The following FHOD3 variants were observed in gnomAD, a reference collection of about 807,000 sequenced individuals.
The protein encoded by FHOD3 is formin homology 2 domain containing 3.
In FHOD3, 90 loss-of-function variants were observed where a neutral mutation model predicts 173.0. That is an observed-to-expected ratio of 0.52 (90% confidence interval 0.44 to 0.62). The LOEUF is 0.62. FHOD3 is among the 20% of genes least tolerant of loss of function. The pLI is 0.00. For synonymous variants in FHOD3, 828 were observed against 823.0 expected (o/e 1.01, Z -0.10); for missense variants, 1,945 against 2,034.7 (o/e 0.96, Z 0.85).
intron 14 of FHOD3, among the ~76,000 whole-genome samples, chr18:36,669,735 A>G (rs992597546): frequency 6.6e-6 from 1 of 151,916 alleles, no homozygotes; most frequent in African/African-American, 2.4e-5. Context: ...AAATGTTGTA[A>G]ACTCCACAAT....
intron 9 of FHOD3, among the ~76,000 whole-genome samples, chr18:36,618,945 G>T (rs2148710115): frequency 6.6e-6 from 1 of 152,128 alleles, no homozygotes; most frequent in East Asian, 1.9e-4. Context: ...CCTTTCAGTG[G>T]TGTCCTTATC....
chr18:36,605,859 A>T (rs1326566297), intron 8 of FHOD3, among the ~76,000 whole-genome samples: 1 of 152,212 alleles, frequency 6.6e-6, no homozygotes, highest in East Asian at 1.9e-4. Context: ...GTTTCTAAGT[A>T]TTGATATCAA....
intron 8 of FHOD3, among the ~76,000 whole-genome samples, chr18:36,606,185 A>G (rs2032049680): frequency 6.6e-6 from 1 of 152,182 alleles, no homozygotes; most frequent in East Asian, 1.9e-4. Flanking sequence ...TTATTGTTTT[A>G]AAATTATTGT....
intron 1 of FHOD3, among the ~76,000 whole-genome samples, chr18:36,300,502 G>A (rs905566167): frequency 1.3e-5 from 2 of 152,174 alleles, no homozygotes; most frequent in African/African-American, 4.8e-5. Flanking sequence ...TGAGGGGTCT[G>A]TTGACCTGGG....
Position 36,594,762 on chromosome 18 carries a change from G to A in FHOD3, c.607-25G>A, listed in dbSNP as rs114251216. On this transcript the variant is annotated intron_variant, in intron 6 of 28. Transcript: ENST00000590592. ...TGCACAGGGCCTTGTTGGCAGTGAT[G>A]TGATGGTTTTATCTCTTCTGCCAGT... is the stretch of plus-strand genomic sequence containing the variant. The A allele has an allele frequency of 1.6e-3, 2,465 of 1,572,078 alleles. 36 individuals carry two copies. In the African/African-American group the frequency reaches 0.029, roughly 19 times the overall value.
At chr18:36,759,080 G>A (rs1482677961) in intron 25 of FHOD3, 38 bp from the exon 26 acceptor site, 18 of 1,534,912 alleles carry the variant, frequency 1.2e-5, no homozygotes, top group Non-Finnish European at 1.5e-5. Flanking sequence ...AATCCCTTCT[G>A]TCTTTTCCGT....
At chr18:36,462,474 G>T (rs1028156947) in intron 3 of FHOD3, among the ~76,000 whole-genome samples, 3 of 152,072 alleles carry the variant, frequency 2.0e-5, no homozygotes, top group African/African-American at 7.2e-5. Context: ...TGGGACTACA[G>T]GATCCTGCCA....
intron 19 of FHOD3, among the ~76,000 whole-genome samples, chr18:36,725,477 G>C (rs2041012977): frequency 6.6e-6 from 1 of 152,136 alleles, no homozygotes; most frequent in African/African-American, 2.4e-5. Flanking sequence ...AGACCATCAG[G>C]GACTGGGCTT....
rs756746339 is a variant in FHOD3 at position 36,760,652 on chromosome 18, G to A, written c.4494G>A (p.Pro1498=). 25 of 1,597,144 alleles carry A rather than the reference G, an allele frequency of 1.6e-5. No individual in the cohort carries two copies. In the African/African-American group the frequency reaches 3.0e-4, roughly 19 times the overall value. ...SGSSPAPPSQ[P]QGLSYAEDAA... ...GTTCTCCGGCGCCCCCAAGCCAGCCGCAGGGTCTGAGCTATGCGGAGGACG... is the reference window on the plus strand; with the variant it reads ...GTTCTCCGGCGCCCCCAAGCCAGCCACAGGGTCTGAGCTATGCGGAGGACG... Residue 1498 remains proline, a synonymous_variant, in exon 27 of 29, where the codon CCG becomes CCA. Coordinates refer to ENST00000590592, the MANE Select transcript of FHOD3 (RefSeq NM_001281740.3).
At chr18:36,559,990 T>A (rs1403888924) in intron 5 of FHOD3, among the ~76,000 whole-genome samples, 1 of 152,142 alleles carries the variant, frequency 6.6e-6, no homozygotes, top group Non-Finnish European at 1.5e-5. Context: ...TTTTGGAAAG[T>A]GAATTCTTTC....
rs376087281 is a variant in FHOD3, at chr18:36,447,005, C to T, written c.338-54927C>T. On this transcript the variant is annotated intron_variant, in intron 3 of 28. Coordinates refer to ENST00000590592, the MANE Select transcript of FHOD3 (RefSeq NM_001281740.3). Reference sequence around the variant, plus strand: ...AGGCCAACAGCCCTTGGATTTTTGCCTAGGACCTGCTGTGATCACTTGAAA... The same window carrying T: ...AGGCCAACAGCCCTTGGATTTTTGCTTAGGACCTGCTGTGATCACTTGAAA... Among the ~76,000 whole-genome samples, 4 of 152,248 alleles carry T rather than the reference C, an allele frequency of 2.6e-5. No individual in the cohort carries two copies. In the East Asian group the frequency reaches 7.7e-4, roughly 29 times the overall value.
At chr18:36,574,137 A>G (rs991233852) in intron 5 of FHOD3, among the ~76,000 whole-genome samples, 1 of 152,200 alleles carries the variant, frequency 6.6e-6, no homozygotes, top group African/African-American at 2.4e-5. Flanking sequence ...AGAACTTGGC[A>G]CACAGTGAGC....
At chr18:36,460,257 C>T (rs923152314) in intron 3 of FHOD3, among the ~76,000 whole-genome samples, 18 of 152,168 alleles carry the variant, frequency 1.2e-4, no homozygotes, top group Admixed American at 3.3e-4. Context: ...AGTCACCATA[C>T]GCAGCCCAAA....
At chr18:36,655,922 G>T (rs991367660) in intron 13 of FHOD3, among the ~76,000 whole-genome samples, 5 of 152,154 alleles carry the variant, frequency 3.3e-5, no homozygotes, top group African/African-American at 1.2e-4. Flanking sequence ...TTTCCATAGC[G>T]TCATTTAAAC....
At chr18:36,740,945 G>T (rs1183949667) in intron 21 of FHOD3, 107 bp downstream of exon 21, 1 of 1,102,254 alleles carries the variant, frequency 9.1e-7, no homozygotes, top group Non-Finnish European at 1.3e-6. Flanking sequence ...TTGGCATAGG[G>T]TACGGAGGGT....
chr18:36,695,170 C>T (rs933625963), intron 17 of FHOD3, among the ~76,000 whole-genome samples: 4 of 149,932 alleles, frequency 2.7e-5, no homozygotes, highest in East Asian at 1.9e-4. Flanking sequence ...TGGAGAAAAC[C>T]GGTCTCTGCT....
intron 10 of FHOD3, among the ~76,000 whole-genome samples, chr18:36,633,347 A>C (rs1202511434): frequency 1.3e-5 from 2 of 152,192 alleles, no homozygotes; most frequent in Non-Finnish European, 2.9e-5. Flanking sequence ...TTATTTTAAA[A>C]AGACAGTTTA....
At position 36,649,396 on chromosome 18, in the gene FHOD3, G is replaced by A. The variant is rs1454261708; in HGVS notation, c.1277G>A (p.Gly426Asp). Reference protein sequence around the residue: ...EEREDDASCQGKDSKVGAASG... With the variant: ...EEREDDASCQDKDSKVGAASG... ...AGAGAGGATGATGCTTCCTGTCAGG[G>A]CAAGGACAGGTACCTAGGACTGGAG... is the stretch of plus-strand genomic sequence containing the variant. The change falls in exon 11 of 29, where the codon GGC becomes GAC. Residue 426 changes from glycine (G) to aspartate (D), a missense_variant. Gly to Asp is a moderately conservative substitution (Grantham distance 94). This residue lies in a region of FHOD3 where 1,099 missense variants were observed against 1,051.2 expected (regional missense o/e 1.05). Coordinates refer to ENST00000590592, the MANE Select transcript of FHOD3 (RefSeq NM_001281740.3). The A allele has an allele frequency of 6.5e-7, 1 of 1,535,358 alleles. No homozygotes were observed. The highest frequency in any genetic ancestry group is 1.2e-5 in the South Asian group (1 of 84,028).
rs73949807 is a variant in FHOD3, at chr18:36,630,356, T to C, written c.1196+4607T>C. On this transcript the variant is annotated intron_variant, in intron 10 of 28. Coordinates refer to ENST00000590592, the MANE Select transcript of FHOD3 (RefSeq NM_001281740.3). The stretch of plus-strand genomic sequence containing the variant: ...TGACTGGTTACTCTGGGCTACTACA[T>C]GGTTTACAGTAGAGTCTTTTTTTTG... Among the ~76,000 whole-genome samples the C allele has an allele frequency of 4.9e-3, 738 of 151,716 alleles. 6 individuals carry two copies. Among genetic ancestry groups the C allele is most frequent in the African/African-American group, 0.017 (709 of 41,392 alleles).
Sources: allele counts gnomAD v4.1 joint callset (sites outside exome capture counted in the v4.1 genomes callset), GRCh38; gene constraint gnomAD v4.1.1; regional missense constraint gnomAD v4.1.1; transcripts MANE v1.5; gene names NCBI Gene and HGNC (gene_info 2026-07-23, HGNC 2026-07-21).